Variants in STXBP5 observed in about 807,000 individuals in gnomAD.
The protein encoded by STXBP5 is syntaxin binding protein 5, also known as syntaxin-binding protein 5.
Under a neutral mutation model 152.4 loss-of-function variants are expected in STXBP5, and 50 were observed. The observed-to-expected ratio is 0.33, with a 90% CI of 0.26 to 0.42. The LOEUF (loss-of-function observed/expected upper bound fraction) is 0.42, where lower values mean the gene tolerates loss of function less well. STXBP5 is among the 10% of genes least tolerant of loss of function. STXBP5 has a pLI of 1.00. For synonymous variants in STXBP5, 492 were observed against 494.7 expected, an observed-to-expected ratio of 0.99 and a Z score of 0.07; for missense variants, 1,167 against 1,388.6, an observed-to-expected ratio of 0.84 and a Z score of 2.54.
At chr6:147,328,372 C>T (rs576898002) in intron 18 of STXBP5, among the ~76,000 whole-genome samples, 3 of 152,160 alleles carry the variant, frequency 2.0e-5, no homozygotes, top group South Asian at 2.1e-4. Flanking sequence ...ATTGAAACAC[C>T]GTTTGGGAAG....
chr6:147,228,633 T>C (rs1777851296), intron 2 of STXBP5, among the ~76,000 whole-genome samples: 1 of 152,126 alleles, frequency 6.6e-6, no homozygotes, highest in Non-Finnish European at 1.5e-5. Context: ...TCCTTTATAT[T>C]GCTTACTTTT....
chr6:147,273,516 T>C (rs1237540235), intron 7 of STXBP5, among the ~76,000 whole-genome samples: 2 of 152,234 alleles, frequency 1.3e-5, no homozygotes, highest in Non-Finnish European at 2.9e-5. Context: ...CAGTGACTTT[T>C]GTATTTTGGT....
In STXBP5 at chr6:147,310,157, C is replaced by T; in HGVS notation, c.991C>T (p.His331Tyr). Reference sequence around the variant, plus strand: ...AAGAAGACCTTGCTTAACAGTGATGCATGGGAAAAGCACTGCTGTGCTAGA... The same window carrying T: ...AAGAAGACCTTGCTTAACAGTGATGTATGGGAAAAGCACTGCTGTGCTAGA... ...VGRRPCLTVM[H>Y]GKSTAVLEMD... Residue 331 changes from histidine to tyrosine, a missense_variant, in exon 10 of 28, where the codon CAT becomes TAT. This residue lies in a region of STXBP5 where 24 missense variants were observed against 56.2 expected (regional missense o/e 0.43). Coordinates refer to ENST00000321680, the MANE Select transcript of STXBP5 (RefSeq NM_001127715.4). 6.2e-7 allele frequency: 1 copy of T among 1,605,628 alleles called. No individual in the cohort carries two copies. The highest frequency in any genetic ancestry group is 8.5e-7 in the Non-Finnish European group (1 of 1,177,506).
intron 4 of STXBP5, among the ~76,000 whole-genome samples, chr6:147,258,740 C>T (rs1297015872): frequency 6.6e-6 from 1 of 152,128 alleles, no homozygotes; most frequent in Admixed American, 6.5e-5. Flanking sequence ...GCCCATAACA[C>T]ATAATTTTAA....
intron 7 of STXBP5, among the ~76,000 whole-genome samples, chr6:147,270,234 TA>T (rs1308660423): frequency 2.6e-5 from 4 of 151,366 alleles, no homozygotes; most frequent in Non-Finnish European, 5.9e-5. Flanking sequence ...TCGTCTCTAC[TA>T]AAAAATACAA....
At position 147,377,796 on chromosome 6, in the gene STXBP5, G is replaced by T. The variant is rs952860036; in HGVS notation, c.3193+3954G>T. Among the ~76,000 whole-genome samples the T allele has an allele frequency of 3.3e-5, 5 of 152,188 alleles. No homozygotes were observed. The South Asian group carries it at 1.0e-3, about 32-fold the overall frequency. On this transcript the variant is annotated intron_variant, in intron 26 of 27. Transcript: ENST00000321680. ...AACATATGACTTGAGGGGAGAGGGTGGGGGACATAACTGTTGAGTGTATAA... is the reference window on the plus strand; with the variant it reads ...AACATATGACTTGAGGGGAGAGGGTTGGGGACATAACTGTTGAGTGTATAA...
intron 9 of STXBP5, among the ~76,000 whole-genome samples, chr6:147,294,065 T>C (rs1156496084): frequency 6.6e-6 from 1 of 152,240 alleles, no homozygotes; most frequent in Non-Finnish European, 1.5e-5. Flanking sequence ...CCAGATGTTC[T>C]CTAGCATAGG....
chr6:147,211,617 G>C (rs575001054), intron 2 of STXBP5, among the ~76,000 whole-genome samples: 1 of 152,094 alleles, frequency 6.6e-6, no homozygotes, highest in African/African-American at 2.4e-5. Context: ...TTGAGTCGGG[G>C]TCTTACTCTG....
chr6:147,351,862 C>G, intron 21 of STXBP5: 2 of 985,384 alleles, frequency 2.0e-6, no homozygotes, highest in Non-Finnish European at 2.4e-6. Flanking sequence ...CTGGATTTCT[C>G]TTTGTTTACA....
intron 7 of STXBP5, among the ~76,000 whole-genome samples, chr6:147,277,272 G>A (rs1157304066): frequency 6.6e-6 from 1 of 152,072 alleles, no homozygotes; most frequent in Non-Finnish European, 1.5e-5. Flanking sequence ...TTGAGTTTCA[G>A]TTATACGATT....
At chr6:147,372,323 T>C (rs140621335) in intron 25 of STXBP5, among the ~76,000 whole-genome samples, 1 of 143,844 alleles carries the variant, frequency 7.0e-6, no homozygotes, top group Non-Finnish European at 1.5e-5. Context: ...CCCTGAAAAA[T>C]ACATACTTTT....
intron 8 of STXBP5, among the ~76,000 whole-genome samples, chr6:147,283,302 G>A (rs911069086): frequency 6.6e-6 from 1 of 152,094 alleles, no homozygotes; most frequent in African/African-American, 2.4e-5. Context: ...GACGTGTAAA[G>A]AATTCCATTA....
At chr6:147,328,708 T>C (rs1783400964) in intron 18 of STXBP5, 1 of 470,920 alleles carries the variant, frequency 2.1e-6, no homozygotes, top group Non-Finnish European at 4.4e-6. Context: ...GGTGTGCTGA[T>C]TGTGACTTCT....
At chr6:147,300,463 G>T (rs1238026882) in intron 9 of STXBP5, among the ~76,000 whole-genome samples, 1 of 152,010 alleles carries the variant, frequency 6.6e-6, no homozygotes. Context: ...AAAAAGAGAT[G>T]CATAGACCAA....
intron 3 of STXBP5, among the ~76,000 whole-genome samples, chr6:147,237,634 G>T (rs1025978082): frequency 6.6e-6 from 1 of 152,106 alleles, no homozygotes; most frequent in Non-Finnish European, 1.5e-5. Flanking sequence ...GAGAGAGTGT[G>T]GACTTTATGT....
intron 25 of STXBP5, among the ~76,000 whole-genome samples, chr6:147,372,396 C>A: frequency 8.5e-6 from 1 of 118,002 alleles, no homozygotes; most frequent in African/African-American, 3.1e-5. Flanking sequence ...AATGTTACTA[C>A]CGTCCTTTTC....
rs1782668170 is a variant in STXBP5, at chr6:147,316,795, T to C, written c.1802+388T>C. Among the ~76,000 whole-genome samples, 2 of 152,230 alleles carry C rather than the reference T, an allele frequency of 1.3e-5. 1 individual carries two copies. Among genetic ancestry groups the C allele is most frequent in the South Asian group, 4.1e-4 (2 of 4,836 alleles). ...TTAAGTCTTTTAAGACTCAGTTGTT[T>C]TCTAATCATTTTCTTTTTCTGAATC... On this transcript the variant is annotated intron_variant, in intron 16 of 27. Coordinates refer to ENST00000321680, the MANE Select transcript of STXBP5 (RefSeq NM_001127715.4).
At chr6:147,240,220 G>T (rs1439384343) in intron 4 of STXBP5, among the ~76,000 whole-genome samples, 1 of 152,082 alleles carries the variant, frequency 6.6e-6, no homozygotes, top group Non-Finnish European at 1.5e-5. Flanking sequence ...GGGATTACAG[G>T]CATGAGCCAC....
At chr6:147,211,852 C>T (rs1020091726) in intron 2 of STXBP5, among the ~76,000 whole-genome samples, 3 of 152,182 alleles carry the variant, frequency 2.0e-5, no homozygotes, top group Admixed American at 2.0e-4. Flanking sequence ...CATGAGCCAC[C>T]ACGCCAGATT....
Sources: allele counts gnomAD v4.1 joint callset (sites outside exome capture counted in the v4.1 genomes callset), GRCh38; gene constraint gnomAD v4.1.1; regional missense constraint gnomAD v4.1.1; transcripts MANE v1.5; gene names NCBI Gene and HGNC (gene_info 2026-07-23, HGNC 2026-07-21).